The following COL22A1 variants were observed in gnomAD, a reference collection of about 807,000 sequenced individuals.
The protein encoded by COL22A1 is collagen alpha-1(XXII) chain.
A neutral mutation model predicts 248.9 loss-of-function variants in COL22A1; 221 were observed. The observed-to-expected ratio is 0.89, with a 90% CI of 0.80 to 0.99. The LOEUF is 0.99. COL22A1 is among the 50% of genes least tolerant of loss of function. COL22A1 has a pLI of 0.00. For missense variants in COL22A1, 2,240 were observed against 2,179.0 expected (o/e 1.03, Z -0.56); for synonymous variants, 891 against 793.4 (o/e 1.12, Z -2.07).
chr8:138,693,494 G>T, intron 35 of COL22A1, 152 bp downstream of exon 35: 3 of 718,728 alleles, frequency 4.2e-6, no homozygotes, highest in Non-Finnish European at 7.2e-6. Flanking sequence ...CTCTCTCCGT[G>T]CTGACTCCCA....
chr8:138,725,279 A>G (rs1030769118), intron 24 of COL22A1, 108 bp downstream of exon 24: 2 of 1,166,990 alleles, frequency 1.7e-6, no homozygotes, highest in Non-Finnish European at 2.6e-6. Context: ...TTTGCACTGG[A>G]CTTGGGTGGA....
chr8:138,646,128 G>A (rs1822185366), intron 47 of COL22A1, among the ~76,000 whole-genome samples: 1 of 152,108 alleles, frequency 6.6e-6, no homozygotes, highest in Non-Finnish European at 1.5e-5. Context: ...GTCCTCCCTG[G>A]CTTTGGGAAA....
At chr8:138,841,986 C>T (rs975552249) in intron 4 of COL22A1, among the ~76,000 whole-genome samples, 8 of 152,140 alleles carry the variant, frequency 5.3e-5, no homozygotes, top group South Asian at 2.1e-4. Flanking sequence ...AAGACAAATA[C>T]GGCTTTCAGT....
At chr8:138,836,055 G>A (rs1820408192) in intron 4 of COL22A1, among the ~76,000 whole-genome samples, 1 of 152,196 alleles carries the variant, frequency 6.6e-6, no homozygotes, top group Non-Finnish European at 1.5e-5. Context: ...TGGATCACTT[G>A]AGGTCAGGAG....
At chr8:138,803,859 C>T (rs997475736) in intron 10 of COL22A1, among the ~76,000 whole-genome samples, 1 of 152,198 alleles carries the variant, frequency 6.6e-6, no homozygotes, top group African/African-American at 2.4e-5. Context: ...CTTTTATATT[C>T]TAAGAACACA....
rs149487505 is a variant in COL22A1 at position 138,662,036 on chromosome 8, G to T, written c.3234C>A (p.Gly1078=). 1.0e-4 allele frequency: 164 copies of T among 1,611,516 alleles called. 2 individuals carry two copies. The Middle Eastern group carries it at 1.7e-3, about 16-fold the overall frequency. ...GCCATTTCTCTGTACTTACGTCCCG[G>T]CCGGCTGGGCCCTGGGGGCCAGGGA... ...PGFPGPQGPA[G]RDGAPGNPGE... Residue 1078 remains glycine, a synonymous_variant, in exon 43 of 65, where the codon GGC becomes GGA. Coordinates refer to ENST00000303045, the MANE Select transcript of COL22A1 (RefSeq NM_152888.3).
At chr8:138,783,149 C>A (rs1815181622) in intron 12 of COL22A1, among the ~76,000 whole-genome samples, 2 of 152,084 alleles carry the variant, frequency 1.3e-5, no homozygotes, top group Non-Finnish European at 2.9e-5. Context: ...AAAGGGCAGG[C>A]TGAACACCAC....
rs535441634 is a variant in COL22A1, at chr8:138,694,892, A to C, written c.2593-13T>G. On this transcript the variant is annotated splice_polypyrimidine_tract_variant and intron_variant, in intron 32 of 64. Coordinates refer to ENST00000303045, the MANE Select transcript of COL22A1 (RefSeq NM_152888.3). Reference sequence around the variant, plus strand: ...GCCCTTGTTCTCCCTGTTGGTGAGAAGCATAGGGTAGAGTGGACTTCAGGG... The same window carrying C: ...GCCCTTGTTCTCCCTGTTGGTGAGACGCATAGGGTAGAGTGGACTTCAGGG... The C allele has an allele frequency of 1.2e-6, 2 of 1,613,622 alleles. No homozygotes were observed. Among genetic ancestry groups the C allele is most frequent in the East Asian group, 2.2e-5 (1 of 44,858 alleles).
chr8:138,770,934 C>A (rs1834315310), intron 16 of COL22A1, among the ~76,000 whole-genome samples: 1 of 152,224 alleles, frequency 6.6e-6, no homozygotes, highest in Non-Finnish European at 1.5e-5. Context: ...CTGCCCAGAA[C>A]CTTTCTAAGC....
At chr8:138,704,901 G>C (rs1393669224) in intron 30 of COL22A1, among the ~76,000 whole-genome samples, 29 of 151,982 alleles carry the variant, frequency 1.9e-4, no homozygotes. Flanking sequence ...TAGACGAATG[G>C]CTAACTAGAA....
Position 138,883,083 on chromosome 8 carries a change from T to A in COL22A1, c.90A>T (p.Ala30=), listed in dbSNP as rs888399443. 1 of 1,578,318 alleles carries A rather than the reference T, an allele frequency of 6.3e-7. No individual in the cohort carries two copies. The highest frequency in any genetic ancestry group is 8.6e-7 in the Non-Finnish European group (1 of 1,164,088). The stretch of plus-strand genomic sequence containing the variant: ...TGGCACAGCCCACGGTGGCCCCACC[T>A]GCCCGCTGAGCCTGGCAGCCGCCGC... ...SGGGGCQAQR[A]GCKSVHYDLV... The change falls in exon 2 of 65, where the codon GCA becomes GCT. Residue 30 remains alanine (A), a splice_region_variant and synonymous_variant. Coordinates refer to ENST00000303045, the MANE Select transcript of COL22A1 (RefSeq NM_152888.3).
chr8:138,773,251 A>T (rs931841217), intron 16 of COL22A1, among the ~76,000 whole-genome samples: 1 of 152,106 alleles, frequency 6.6e-6, no homozygotes, highest in South Asian at 2.1e-4. Flanking sequence ...CCAGCCCAGG[A>T]TTCAGACAAA....
At chr8:138,595,714 C>T (rs771666572) in intron 62 of COL22A1, among the ~76,000 whole-genome samples, 15 of 152,066 alleles carry the variant, frequency 9.9e-5, no homozygotes, top group East Asian at 1.9e-4. Context: ...GAAGGAGGGC[C>T]GTCTTGTTTA....
At chr8:138,903,734 C>T (rs1178925888) in intron 1 of COL22A1, among the ~76,000 whole-genome samples, 3 of 152,124 alleles carry the variant, frequency 2.0e-5, no homozygotes, top group African/African-American at 7.2e-5. Flanking sequence ...GGAAGAATAC[C>T]CTGCTTTTTC....
chr8:138,885,408 C>T (rs573501970), intron 1 of COL22A1, among the ~76,000 whole-genome samples: 10 of 152,186 alleles, frequency 6.6e-5, no homozygotes, highest in African/African-American at 1.2e-4. Context: ...AACCAGCAGG[C>T]GCATTACTCC....
At chr8:138,625,806 A>C (rs1257778896) in intron 51 of COL22A1, among the ~76,000 whole-genome samples, 4 of 152,206 alleles carry the variant, frequency 2.6e-5, no homozygotes, top group Non-Finnish European at 5.9e-5. Context: ...TTAATATGGG[A>C]AATGGAAAAT....
intron 32 of COL22A1, 66 bp from the exon 33 acceptor site, chr8:138,694,945 G>A: frequency 6.6e-7 from 1 of 1,522,912 alleles, no homozygotes; most frequent in Non-Finnish European, 9.0e-7. Flanking sequence ...CAGGGTACAT[G>A]TCCCCAGCTC....
rs555050202 is a variant in COL22A1 at position 138,786,488 on chromosome 8, C to G, written c.1597-5508G>C. Among the ~76,000 whole-genome samples, 610 of 152,268 alleles carry G rather than the reference C, an allele frequency of 4.0e-3. 3 individuals carry two copies. The highest frequency in any genetic ancestry group is 0.021 in the South Asian group (101 of 4,820). On this transcript the variant is annotated intron_variant, in intron 12 of 64. Transcript: ENST00000303045. Reference sequence around the variant, plus strand: ...GAAAGTCAACCTAACTCAAATATTTCATTAGTATTAATATTAGTATCACTG... The same window carrying G: ...GAAAGTCAACCTAACTCAAATATTTGATTAGTATTAATATTAGTATCACTG...
chr8:138,802,838 G>T (rs756757188), intron 11 of COL22A1, 34 bp downstream of exon 11: 18 of 1,581,456 alleles, frequency 1.1e-5, no homozygotes, highest in African/African-American at 1.3e-5. Flanking sequence ...CCGCCCTGAG[G>T]TTCAGCCATG....
Sources: gnomAD v4.1 joint callset for allele counts (sites outside exome capture counted in the v4.1 genomes callset) on GRCh38, gnomAD v4.1.1 for gene constraint, MANE v1.5 for transcripts, NCBI Gene and HGNC (gene_info 2026-07-23, HGNC 2026-07-21) for gene names.